Variants in BCKDHB observed in about 807,000 individuals in gnomAD.
The protein encoded by BCKDHB is branched chain keto acid dehydrogenase E1 subunit beta.
BCKDHB carries 41 observed loss-of-function variants against 48.5 expected under a neutral mutation model. That is an observed-to-expected ratio of 0.85 (90% CI 0.66 to 1.10). The LOEUF is 1.10. Ranked by LOEUF, BCKDHB falls within the 50% of genes least tolerant of loss-of-function variation. The pLI is 0.00. For missense variants in BCKDHB, 496 were observed against 494.2 expected, an observed-to-expected ratio of 1.00 and a Z score of -0.03; for synonymous variants, 201 against 174.8, an observed-to-expected ratio of 1.15 and a Z score of -1.18.
intron 1 of BCKDHB, among the ~76,000 whole-genome samples, chr6:80,124,706 T>C (rs73479907): frequency 0.072 from 10,957 of 152,244 alleles, 594 homozygotes; most frequent in South Asian, 0.24. Flanking sequence ...GTCAGAGCGC[T>C]TGGGTGACCA....
intron 3 of BCKDHB, among the ~76,000 whole-genome samples, chr6:80,150,758 T>C (rs772421144): frequency 6.6e-6 from 1 of 152,000 alleles, no homozygotes; most frequent in Non-Finnish European, 1.5e-5. Flanking sequence ...AGTTTCACCA[T>C]GTTGGCCACA....
the BCKDHB span, among the ~76,000 whole-genome samples, chr6:80,390,732 G>T: frequency 6.6e-6 from 1 of 152,136 alleles, no homozygotes; most frequent in Non-Finnish European, 1.5e-5. Context: ...CTCAGGAGAT[G>T]TGTATAGGTT....
the BCKDHB span, among the ~76,000 whole-genome samples, chr6:80,423,598 C>T: frequency 6.6e-6 from 1 of 152,152 alleles, no homozygotes; most frequent in Admixed American, 6.5e-5. Context: ...AGCTTTAAGC[C>T]ATATTTAATC....
chr6:80,172,237 T>C (rs1328816588), intron 6 of BCKDHB, among the ~76,000 whole-genome samples: 1 of 152,136 alleles, frequency 6.6e-6, no homozygotes, highest in African/African-American at 2.4e-5. Context: ...ATTGTATGAA[T>C]ATCTGTTGTT....
intron 9 of BCKDHB, among the ~76,000 whole-genome samples, chr6:80,301,137 G>GA (rs1165094755): frequency 0.069 from 601 of 8,724 alleles, 5 homozygotes; most frequent in African/African-American, 0.16. Flanking sequence ...AACTAGGAAG[G>GA]AAAAAAAAAG....
rs867969664 is a variant in BCKDHB at position 80,230,171 on chromosome 6, T to C, written c.951+26959T>C. On this transcript the variant is annotated intron_variant, in intron 8 of 9. Transcript: ENST00000320393. The stretch of plus-strand genomic sequence containing the variant: ...CTCCTGCCTCAGCCTCCCGAGTAGC[T>C]GGGATTACAGGCGCCCACCACCACG... Among the ~76,000 whole-genome samples, 50 of 149,148 alleles carry C rather than the reference T, an allele frequency of 3.4e-4. 1 individual carries two copies. The highest frequency in any genetic ancestry group is 1.1e-3 in the African/African-American group (46 of 40,696).
chr6:80,204,914 A>T (rs1371753862), intron 8 of BCKDHB, among the ~76,000 whole-genome samples: 3 of 152,002 alleles, frequency 2.0e-5, no homozygotes, highest in Non-Finnish European at 2.9e-5. Context: ...TTAGGGCTCT[A>T]TCCTACTGGG....
the BCKDHB span, among the ~76,000 whole-genome samples, chr6:80,449,676 T>G: frequency 1.3e-5 from 2 of 152,168 alleles, no homozygotes; most frequent in African/African-American, 4.8e-5. Context: ...ATATCGAGGG[T>G]CATCATGTCT....
intron 9 of BCKDHB, among the ~76,000 whole-genome samples, chr6:80,329,205 T>C (rs531671099): frequency 1.3e-5 from 2 of 152,316 alleles, no homozygotes; most frequent in East Asian, 3.9e-4. Flanking sequence ...TATTTTAATT[T>C]TTCTAAGTTT....
At chr6:80,236,922 T>G (rs188019098) in intron 8 of BCKDHB, among the ~76,000 whole-genome samples, 1 of 152,200 alleles carries the variant, frequency 6.6e-6, no homozygotes, top group African/African-American at 2.4e-5. Flanking sequence ...TAAAATAATT[T>G]AAAAAAATTT....
chr6:80,442,086 C>T, the BCKDHB span, among the ~76,000 whole-genome samples: 21 of 152,144 alleles, frequency 1.4e-4, no homozygotes, highest in Admixed American at 8.5e-4. Flanking sequence ...AATAAGTGTG[C>T]GAAACTGTAT....
chr6:80,250,891 GTAA>G (rs1776811874), intron 8 of BCKDHB, among the ~76,000 whole-genome samples: 11 of 152,158 alleles, frequency 7.2e-5, no homozygotes, highest in Non-Finnish European at 1.3e-4. Context: ...AAGATTTAAT[GTAA>G]TTATGATATA....
At chr6:80,334,616 A>G (rs1245411470) in intron 9 of BCKDHB, among the ~76,000 whole-genome samples, 1 of 146,064 alleles carries the variant, frequency 6.8e-6, no homozygotes, top group African/African-American at 2.5e-5. Flanking sequence ...CTGTGTTGCT[A>G]TGGCACCCAA....
At chr6:80,129,135 T>A (rs766610539) in intron 2 of BCKDHB, 26 bp from the exon 3 acceptor site, 2 of 1,454,938 alleles carry the variant, frequency 1.4e-6, no homozygotes, top group Non-Finnish European at 1.9e-6. Flanking sequence ...TTAAATAAAA[T>A]GTATTATTTA....
rs76851383 is a variant in BCKDHB at position 80,186,344 on chromosome 6, G to A, written c.743-14590G>A. Among the ~76,000 whole-genome samples, 1,419 of 152,240 alleles carry A rather than the reference G, an allele frequency of 9.3e-3. 29 individuals are homozygous for A. Among genetic ancestry groups the A allele is most frequent in the African/African-American group, 0.033 (1,350 of 41,534 alleles). On this transcript the variant is annotated intron_variant, in intron 6 of 9. Transcript: ENST00000320393. The stretch of plus-strand genomic sequence containing the variant: ...TGTGTCATACTGGTCGCCAGGGAAG[G>A]GGGGAAAGCCGGCAGTGACAGGCCT...
At chr6:80,338,388 C>T (rs1269772118) in intron 9 of BCKDHB, among the ~76,000 whole-genome samples, 5 of 152,126 alleles carry the variant, frequency 3.3e-5, no homozygotes, top group Non-Finnish European at 7.4e-5. Flanking sequence ...GGATTTCCAG[C>T]CCCCGACCCC....
chr6:80,229,391 C>T (rs991775480), intron 8 of BCKDHB, among the ~76,000 whole-genome samples: 1 of 152,112 alleles, frequency 6.6e-6, no homozygotes, highest in African/African-American at 2.4e-5. Context: ...GAAGAGTTGG[C>T]AGCATGATAG....
At chr6:80,116,936 T>C (rs1769738387) in intron 1 of BCKDHB, among the ~76,000 whole-genome samples, 2 of 152,206 alleles carry the variant, frequency 1.3e-5, no homozygotes, top group Non-Finnish European at 2.9e-5. Flanking sequence ...ATGGCAGACA[T>C]AAGCATAGTC....
intron 9 of BCKDHB, among the ~76,000 whole-genome samples, chr6:80,302,851 C>T (rs934114195): frequency 1.3e-5 from 2 of 152,092 alleles, no homozygotes; most frequent in African/African-American, 4.8e-5. Context: ...GAAATATGAG[C>T]TATGCTGTAA....
Sources: allele counts gnomAD v4.1 joint callset (sites outside exome capture counted in the v4.1 genomes callset), GRCh38; gene constraint gnomAD v4.1.1; transcripts MANE v1.5; gene names NCBI Gene and HGNC (gene_info 2026-07-23, HGNC 2026-07-21).